Variants in ZDHHC15 observed in about 807,000 individuals in gnomAD.
The protein encoded by ZDHHC15 is palmitoyltransferase ZDHHC15.
A neutral mutation model predicts 31.7 loss-of-function variants in ZDHHC15; 19 were observed. The observed-to-expected ratio is 0.60, with a 90% CI of 0.42 to 0.88. The LOEUF is 0.88. ZDHHC15 is among the 40% of genes least tolerant of loss of function. The probability of loss-of-function intolerance (pLI) is 0.00; values close to 1 mark genes in which losing one functional copy is unlikely to be tolerated. For synonymous variants in ZDHHC15, 103 were observed against 90.0 expected (o/e 1.14, Z -0.82); for missense variants, 209 against 251.2 (o/e 0.83, Z 1.14).
intron 4 of ZDHHC15, among the ~76,000 whole-genome samples, chrX:75,449,019 A>G (rs765535789): frequency 3.6e-5 from 4 of 110,813 alleles, no homozygotes; most frequent in African/African-American, 1.3e-4. Context: ...GAGCTGAGAC[A>G]TCAGTTTTCT....
rs1013991691 is a variant in ZDHHC15 at position 75,371,595 on chromosome X, A to T, written c.*1383T>A. On this transcript the variant is annotated 3_prime_UTR_variant, in exon 12 of 12. Coordinates refer to ENST00000373367, the MANE Select transcript of ZDHHC15 (RefSeq NM_144969.3). ...TTTTTACTCAAACATATTTCAGGGA[A>T]GATAAATTAGTAAGCCAAACCATCC... The T allele has an allele frequency of 1.3e-4, 15 of 111,709 alleles. No homozygotes were observed. The highest frequency in any genetic ancestry group is 4.9e-4 in the African/African-American group (15 of 30,773). The allele number at this position is 111,709 out of a possible 1,213,427, so 9.2% of individuals were successfully genotyped here.
chrX:75,440,393 C>T (rs186772708), intron 4 of ZDHHC15, among the ~76,000 whole-genome samples: 236 of 111,420 alleles, frequency 2.1e-3, no homozygotes, highest in African/African-American at 7.3e-3. Context: ...CATTCTCTCG[C>T]CTTAGCCTCC....
At chrX:75,492,367 A>C (rs1264533161) in intron 2 of ZDHHC15, among the ~76,000 whole-genome samples, 6 of 111,075 alleles carry the variant, frequency 5.4e-5, no homozygotes, top group Non-Finnish European at 1.1e-4. Flanking sequence ...TATTAGACAG[A>C]TCAACGAGAC....
chrX:75,487,888 A>G (rs1195905123), intron 2 of ZDHHC15, among the ~76,000 whole-genome samples: 1 of 112,474 alleles, frequency 8.9e-6, no homozygotes, highest in African/African-American at 3.2e-5. Context: ...AATACACTGG[A>G]AAGTTTCAAC....
At chrX:75,443,322 C>T (rs776850175) in intron 4 of ZDHHC15, among the ~76,000 whole-genome samples, 7 of 110,879 alleles carry the variant, frequency 6.3e-5, no homozygotes, top group South Asian at 7.7e-4. Flanking sequence ...CACACATCTA[C>T]AACTATCTGA....
chrX:75,494,176 A>G (rs941008761), intron 2 of ZDHHC15, among the ~76,000 whole-genome samples: 6 of 111,449 alleles, frequency 5.4e-5, no homozygotes, highest in African/African-American at 2.0e-4. Context: ...GTGAACTCCC[A>G]TTCATAATTG....
At chrX:75,472,047 T>A (rs1467516318) in intron 3 of ZDHHC15, among the ~76,000 whole-genome samples, 2 of 111,921 alleles carry the variant, frequency 1.8e-5, no homozygotes, top group African/African-American at 6.5e-5. Flanking sequence ...TAAAGTTGGT[T>A]GTGCACATCA....
In ZDHHC15 at chrX:75,447,719, A is replaced by G. The variant is rs1021671417; in HGVS notation, c.379+3083T>C. 3.6e-5 allele frequency among the ~76,000 whole-genome samples: 4 copies of G among 110,765 alleles called. No individual in the cohort carries two copies. The East Asian group carries it at 1.2e-3, about 32-fold the overall frequency. On this transcript the variant is annotated intron_variant, in intron 4 of 11. Coordinates refer to ENST00000373367, the MANE Select transcript of ZDHHC15 (RefSeq NM_144969.3). ...ATTACCCTAAGTGACCCACTAACAA[A>G]ATGTTTTCTTCCTGTTCCTGCAATC...
At chrX:75,468,245 A>G (rs1321051822) in intron 3 of ZDHHC15, among the ~76,000 whole-genome samples, 1 of 110,234 alleles carries the variant, frequency 9.1e-6, no homozygotes, top group Non-Finnish European at 1.9e-5. Flanking sequence ...GGGTTTCTCC[A>G]AGTTGGTCAG....
Position 75,385,972 on chromosome X carries a change from C to T in ZDHHC15, c.968-6774G>A, listed in dbSNP as rs779792904. On this transcript the variant is annotated intron_variant, in intron 10 of 11. Coordinates refer to ENST00000373367, the MANE Select transcript of ZDHHC15 (RefSeq NM_144969.3). The stretch of plus-strand genomic sequence containing the variant: ...TGAGCTGAGACAATATATTGTATTG[C>T]CTGAACACCCCTTCTGGGTCCAATC... Among the ~76,000 whole-genome samples, 4 of 111,831 alleles carry T rather than the reference C, an allele frequency of 3.6e-5. No homozygotes were observed. The South Asian group carries it at 1.5e-3, about 42-fold the overall frequency.
At chrX:75,486,855 G>A (rs944911453) in intron 2 of ZDHHC15, among the ~76,000 whole-genome samples, 12 of 111,098 alleles carry the variant, frequency 1.1e-4, no homozygotes, top group African/African-American at 3.6e-4. Context: ...AGGAGAGTCT[G>A]AGCTCAGACT....
intron 1 of ZDHHC15, among the ~76,000 whole-genome samples, chrX:75,516,159 C>T (rs987540355): frequency 2.7e-5 from 3 of 111,559 alleles, no homozygotes; most frequent in Non-Finnish European, 5.7e-5. Context: ...GCCATACTGC[C>T]CAAGGTAATT....
At chrX:75,455,952 T>G (rs1266722416) in intron 3 of ZDHHC15, among the ~76,000 whole-genome samples, 1 of 111,389 alleles carries the variant, frequency 9.0e-6, no homozygotes, top group African/African-American at 3.3e-5. Flanking sequence ...TAGCGATTCC[T>G]CAAGGATCTA....
intron 10 of ZDHHC15, among the ~76,000 whole-genome samples, chrX:75,391,345 G>T (rs1162441195): frequency 2.7e-5 from 3 of 111,864 alleles, no homozygotes; most frequent in Non-Finnish European, 5.6e-5. Flanking sequence ...CCTAGAGAAT[G>T]ACATTAATAT....
rs138921696 is a variant in ZDHHC15 at position 75,381,191 on chromosome X, A to G, written c.968-1993T>C. On this transcript the variant is annotated intron_variant, in intron 10 of 11. Coordinates refer to ENST00000373367, the MANE Select transcript of ZDHHC15 (RefSeq NM_144969.3). Reference sequence around the variant, plus strand: ...TACCCCAAACTATGAGCATTGTGTAATGTTCTATTCTTGACCCTCTGGCTT... The same window carrying G: ...TACCCCAAACTATGAGCATTGTGTAGTGTTCTATTCTTGACCCTCTGGCTT... Among the ~76,000 whole-genome samples the G allele has an allele frequency of 3.1e-4, 35 of 111,736 alleles. 1 individual carries two copies. In the East Asian group the frequency reaches 9.6e-3, roughly 31 times the overall value.
intron 8 of ZDHHC15, among the ~76,000 whole-genome samples, chrX:75,422,932 T>A (rs186804874): frequency 0.075 from 7,684 of 102,155 alleles, 369 homozygotes; most frequent in Non-Finnish European, 0.12. Context: ...ATTAGGTATA[T>A]CTCCCAATGC....
intron 2 of ZDHHC15, among the ~76,000 whole-genome samples, chrX:75,492,007 A>C (rs943694215): frequency 2.7e-5 from 3 of 111,706 alleles, no homozygotes; most frequent in African/African-American, 9.8e-5. Context: ...AAAGTGGATA[A>C]AGAGTCAAGA....
At chrX:75,415,105 A>C (rs769819584) in intron 10 of ZDHHC15, among the ~76,000 whole-genome samples, 1 of 111,590 alleles carries the variant, frequency 9.0e-6, no homozygotes, top group South Asian at 3.7e-4. Flanking sequence ...ATGAAATGTT[A>C]TATTTTGGGC....
rs147423283 is a variant in ZDHHC15 at position 75,453,662 on chromosome X, C to T, written c.259-2740G>A. ...CAATAAAATACTGACAAACCGAATC[C>T]AGCAGCACATCAAAAAGCTATCCAC... On this transcript the variant is annotated intron_variant, in intron 3 of 11. Transcript: ENST00000373367. Among the ~76,000 whole-genome samples, 1,084 of 111,163 alleles carry T rather than the reference C, an allele frequency of 9.8e-3. 6 individuals are homozygous for T. The highest frequency in any genetic ancestry group is 0.015 in the Non-Finnish European group (793 of 52,966).
Sources: allele counts gnomAD v4.1 joint callset (sites outside exome capture counted in the v4.1 genomes callset), GRCh38; gene constraint gnomAD v4.1.1; transcripts MANE v1.5; gene names NCBI Gene and HGNC (gene_info 2026-07-23, HGNC 2026-07-21).